GALNT5: variants seen among roughly 807,000 people sequenced by gnomAD.
GALNT5 encodes UDP-GalNAc:polypeptide N-acetylgalactosaminyltransferase 5.
Under a neutral mutation model 85.4 loss-of-function variants are expected in GALNT5, and 72 were observed. That is an observed-to-expected ratio of 0.84 (90% confidence interval 0.70 to 1.03). The LOEUF is 1.03. GALNT5 is among the 50% of genes least tolerant of loss of function. The pLI, the probability that GALNT5 is intolerant of heterozygous loss-of-function variation, is 0.00. For synonymous variants in GALNT5, 404 were observed against 397.0 expected (o/e 1.02, Z -0.21); for missense variants, 1,137 against 1,135.5 (o/e 1.00, Z -0.02).
intron 7 of GALNT5, 149 bp downstream of exon 7, chr2:157,301,148 A>G (rs2105163262): frequency 7.8e-6 from 5 of 642,434 alleles, no homozygotes; most frequent in Admixed American, 2.9e-5. Context: ...AGAATTAAAT[A>G]TAGGTAAACT....
chr2:157,301,450 G>A (rs1247665845), intron 7 of GALNT5: 2 of 197,040 alleles, frequency 1.0e-5, no homozygotes, highest in African/African-American at 4.7e-5. Context: ...TTGTAACTCA[G>A]GCCTAAAACA....
chr2:157,277,240 A>T (rs1412045579), intron 1 of GALNT5, among the ~76,000 whole-genome samples: 2 of 152,168 alleles, frequency 1.3e-5, no homozygotes, highest in Non-Finnish European at 2.9e-5. Flanking sequence ...CTTTACTTCC[A>T]ATTATGTGAT....
intron 1 of GALNT5, among the ~76,000 whole-genome samples, chr2:157,273,866 G>A (rs1438259481): frequency 1.3e-5 from 2 of 151,512 alleles, no homozygotes; most frequent in Admixed American, 6.6e-5. Context: ...CTTTAAACCT[G>A]CCCAATGTGC....
chr2:157,259,287 C>T lies in GALNT5; in HGVS notation c.1205C>T (p.Ser402Phe). 3 of 1,609,698 alleles carry T rather than the reference C, an allele frequency of 1.9e-6. No homozygotes were observed. The highest frequency in any genetic ancestry group is 2.5e-6 in the Non-Finnish European group (3 of 1,178,284). The change falls in exon 1 of 10, where the codon TCT becomes TTT. Residue 402 changes from serine (S) to phenylalanine (F), a missense_variant. Ser to Phe is a radical substitution (Grantham distance 155). Transcript: ENST00000259056. ...AKINITAKAP[S>F]TEYNQSHIKA... is the part of the protein sequence containing the mutation. ...ATCAACATAACTGCCAAAGCCCCCTCTACAGAATACAACCAGAGTCATATA... is the reference window on the plus strand; with the variant it reads ...ATCAACATAACTGCCAAAGCCCCCTTTACAGAATACAACCAGAGTCATATA...
intron 3 of GALNT5, among the ~76,000 whole-genome samples, chr2:157,290,112 T>TATACACAC (rs1416458086): frequency 8.7e-5 from 12 of 138,262 alleles, no homozygotes; most frequent in African/African-American, 3.7e-4. Context: ...TATATATATA[T>TATACACAC]ACATACACAA....
chr2:157,261,839 T>TAATATTTTTTAAATATTAAAA (rs1682347809), intron 1 of GALNT5, among the ~76,000 whole-genome samples: 14 of 152,360 alleles, frequency 9.2e-5, no homozygotes, highest in Admixed American at 8.5e-4. Context: ...TTTTTAAATT[T>TAATATTTTTTAAATATTAAAA]GGCTTTATTT....
chr2:157,317,387 G>A lies in GALNT5; in HGVS notation c.*6039G>A, dbSNP rs1683738071. On this transcript the variant is annotated 3_prime_UTR_variant, in exon 10 of 10. Coordinates refer to ENST00000259056, the MANE Select transcript of GALNT5 (RefSeq NM_014568.3). The stretch of plus-strand genomic sequence containing the variant: ...TGGATACCATTTTCCAAACTTGAAG[G>A]AGTAATCAAGTTCTTAATTATCAGG... 6.6e-6 allele frequency among the ~76,000 whole-genome samples: 1 copy of A among 151,856 alleles called. No individual in the cohort carries two copies. Among genetic ancestry groups the A allele is most frequent in the Non-Finnish European group, 1.5e-5 (1 of 67,908 alleles).
In GALNT5 at chr2:157,258,927, C is replaced by T. The variant is rs2105138988; in HGVS notation, c.845C>T (p.Thr282Ile). 1 of 1,544,646 alleles carries T rather than the reference C, an allele frequency of 6.5e-7. No individual in the cohort carries two copies. The highest frequency in any genetic ancestry group is 8.7e-7 in the Non-Finnish European group (1 of 1,150,332). The change falls in exon 1 of 10, where the codon ACT becomes ATT. Residue 282 changes from threonine to isoleucine, a missense_variant. Coordinates refer to ENST00000259056, the MANE Select transcript of GALNT5 (RefSeq NM_014568.3). The stretch of plus-strand genomic sequence containing the variant: ...ACGAGTCTTCCTTTTCCTAAGTTCA[C>T]TGTCAATTCAAATCGCTTAAGGAAG... ...ANTSLPFPKF[T>I]VNSNRLRKQS...
rs975601007 is a variant in GALNT5, at chr2:157,315,294, T to C, written c.*3946T>C. 1.3e-5 allele frequency among the ~76,000 whole-genome samples: 2 copies of C among 152,182 alleles called. No homozygotes were observed. The highest frequency in any genetic ancestry group is 4.8e-5 in the African/African-American group (2 of 41,448). Reference sequence around the variant, plus strand: ...CTCCCTGTTATATGAACAAGAAGGATAACTCCCACATACAGATGAGGAATT... The same window carrying C: ...CTCCCTGTTATATGAACAAGAAGGACAACTCCCACATACAGATGAGGAATT... On this transcript the variant is annotated 3_prime_UTR_variant, in exon 10 of 10. Transcript: ENST00000259056.
At position 157,311,588 on chromosome 2, in the gene GALNT5, A is replaced by G. The variant is rs2292638; in HGVS notation, c.*240A>G. On this transcript the variant is annotated 3_prime_UTR_variant, in exon 10 of 10. Coordinates refer to ENST00000259056, the MANE Select transcript of GALNT5 (RefSeq NM_014568.3). Reference sequence around the variant, plus strand: ...CTTTGAATTGCCTGCTTTCCACCCTATGCTAGACCTCATCATGCAAATTTC... The same window carrying G: ...CTTTGAATTGCCTGCTTTCCACCCTGTGCTAGACCTCATCATGCAAATTTC... The G allele has an allele frequency of 2.3e-3, 711 of 312,150 alleles. 10 individuals are homozygous for G. In the East Asian group the frequency reaches 0.029, roughly 13 times the overall value. The allele number at this position is 312,150 out of a possible 1,614,324, so 19.3% of individuals were successfully genotyped here.
intron 1 of GALNT5, among the ~76,000 whole-genome samples, chr2:157,280,017 C>T (rs749900788): frequency 1.3e-5 from 2 of 152,096 alleles, no homozygotes; most frequent in African/African-American, 2.4e-5. Flanking sequence ...AGGCTGGTCT[C>T]GAACTCCTGA....
chr2:157,306,180 C>T (rs965995802), intron 8 of GALNT5, among the ~76,000 whole-genome samples: 2 of 152,088 alleles, frequency 1.3e-5, no homozygotes, highest in Non-Finnish European at 2.9e-5. Flanking sequence ...GCATGTAGAA[C>T]AATACCTAAT....
In GALNT5 at chr2:157,278,204, T is replaced by C. The variant is rs373222451; in HGVS notation, c.1455-6078T>C. Among the ~76,000 whole-genome samples the C allele has an allele frequency of 3.9e-5, 6 of 152,234 alleles. No individual in the cohort carries two copies. The East Asian group carries it at 7.7e-4, about 20-fold the overall frequency. ...GCCGAGAGATCCACCATTAGTCTGA[T>C]CGGCTTCCCTTTGTGGGTAAGCCAA... On this transcript the variant is annotated intron_variant, in intron 1 of 9. Coordinates refer to ENST00000259056, the MANE Select transcript of GALNT5 (RefSeq NM_014568.3).
At chr2:157,306,283 A>T (rs1427040894) in intron 8 of GALNT5, among the ~76,000 whole-genome samples, 4 of 152,242 alleles carry the variant, frequency 2.6e-5, no homozygotes. Context: ...GAGACAACAT[A>T]TTTCTAAATA....
chr2:157,303,895 T>C (rs1175528275), intron 7 of GALNT5, among the ~76,000 whole-genome samples: 1 of 152,174 alleles, frequency 6.6e-6, no homozygotes, highest in East Asian at 1.9e-4. Flanking sequence ...GTCTCAGGGT[T>C]CCATGGTCAA....
At chr2:157,306,067 C>G (rs567734154) in intron 8 of GALNT5, among the ~76,000 whole-genome samples, 1 of 152,164 alleles carries the variant, frequency 6.6e-6, no homozygotes, top group African/African-American at 2.4e-5. Flanking sequence ...TTTGCAAAAG[C>G]GTGTTAACGT....
chr2:157,310,455 T>C (rs985285169), intron 9 of GALNT5, among the ~76,000 whole-genome samples: 5 of 152,160 alleles, frequency 3.3e-5, no homozygotes, highest in African/African-American at 1.2e-4. Context: ...AGGGTGACAA[T>C]ACTTTTGTAG....
intron 3 of GALNT5, among the ~76,000 whole-genome samples, chr2:157,287,163 C>T (rs1473197732): frequency 6.6e-6 from 1 of 152,030 alleles, no homozygotes; most frequent in Non-Finnish European, 1.5e-5. Flanking sequence ...GACAGCTAAA[C>T]CTTTACTTTG....
chr2:157,296,572 A>C (rs1683219114), intron 5 of GALNT5, 59 bp downstream of exon 5: 2 of 1,377,944 alleles, frequency 1.5e-6, no homozygotes, highest in South Asian at 2.4e-5. Flanking sequence ...AAAAGCATTA[A>C]AAAATTCTAC....
Sources: gnomAD v4.1 joint callset for allele counts (sites outside exome capture counted in the v4.1 genomes callset) on GRCh38, gnomAD v4.1.1 for gene constraint, MANE v1.5 for transcripts, NCBI Gene and HGNC (gene_info 2026-07-23, HGNC 2026-07-21) for gene names.